RNF38: variants seen among roughly 807,000 people sequenced by gnomAD.
The protein encoded by RNF38 is E3 ubiquitin-protein ligase RNF38.
RNF38 carries 15 observed loss-of-function variants against 67.2 expected under a neutral mutation model. The ratio of observed to expected loss-of-function variants is 0.22; its 90% CI spans 0.15 to 0.34. The LOEUF (loss-of-function observed/expected upper bound fraction) is 0.34. RNF38 is among the 10% of genes least tolerant of loss of function. The pLI, the probability that RNF38 is intolerant of heterozygous loss-of-function variation, is 1.00. For synonymous variants in RNF38, 220 were observed against 218.8 expected, an observed-to-expected ratio of 1.01 and a Z score of -0.05; for missense variants, 524 against 639.9, an observed-to-expected ratio of 0.82 and a Z score of 1.95.
Position 36,353,343 on chromosome 9 carries a change from GA to G in RNF38, c.910-13del, listed in dbSNP as rs200495754. 4.1e-3 allele frequency: 6,033 copies of G among 1,483,204 alleles called. 29 individuals are homozygous for G. The highest frequency in any genetic ancestry group is 0.024 in the African/African-American group (1,667 of 68,500). The allele number at this position is 1,483,204 out of a possible 1,614,324, so 91.9% of individuals were successfully genotyped here. On this transcript the variant is annotated splice_polypyrimidine_tract_variant and intron_variant, in intron 6 of 11. Transcript: ENST00000259605. ...ATCCTTTGCAGAGGCTGAGGAGGGG[GA>G]AAAAAAAACACATATATGTATATAT...
chr9:36,342,210 G>A (rs932057679), intron 11 of RNF38, 115 bp downstream of exon 11: 43 of 731,710 alleles, frequency 5.9e-5, no homozygotes, highest in Non-Finnish European at 9.6e-5. Context: ...CATACTGAAA[G>A]CTGTGTTTCC....
At chr9:36,437,626 G>A (rs1341090577) in intron 1 of RNF38, among the ~76,000 whole-genome samples, 1 of 151,760 alleles carries the variant, frequency 6.6e-6, no homozygotes, top group Non-Finnish European at 1.5e-5. Flanking sequence ...CTAGGTGCTG[G>A]CAAGGAGGAC....
intron 1 of RNF38, among the ~76,000 whole-genome samples, chr9:36,425,006 C>G (rs766405775): frequency 6.6e-6 from 1 of 152,168 alleles, no homozygotes; most frequent in African/African-American, 2.4e-5. Flanking sequence ...TTCAATAAGG[C>G]AAACTCTTAT....
intron 2 of RNF38, among the ~76,000 whole-genome samples, chr9:36,382,018 T>C (rs1836247779): frequency 6.6e-6 from 1 of 152,270 alleles, no homozygotes; most frequent in Admixed American, 6.5e-5. Flanking sequence ...TCAGAAAGTC[T>C]GGACCAGAGG....
Position 36,338,050 on chromosome 9 carries a change from G to C in RNF38, c.*1702C>G, listed in dbSNP as rs1364205247. On this transcript the variant is annotated 3_prime_UTR_variant, in exon 12 of 12. Coordinates refer to ENST00000259605, the MANE Select transcript of RNF38 (RefSeq NM_022781.5). ...ATGGAAAACTGACACAGAGCCAACT[G>C]AAAGTTGAGTGGGGCTGGCAGCAAG... is the stretch of plus-strand genomic sequence containing the variant. 1 of 152,674 alleles carries C rather than the reference G, an allele frequency of 6.5e-6. No individual in the cohort carries two copies. The highest frequency in any genetic ancestry group is 2.4e-5 in the African/African-American group (1 of 41,462). The allele number at this position is 152,674 out of a possible 1,614,324, so 9.5% of individuals were successfully genotyped here.
chr9:36,450,272 T>TA (rs1212715745), intron 1 of RNF38, among the ~76,000 whole-genome samples: 1 of 151,942 alleles, frequency 6.6e-6, no homozygotes, highest in East Asian at 1.9e-4. Context: ...ACTTTTTTTT[T>TA]ATATAATTAT....
intron 1 of RNF38, among the ~76,000 whole-genome samples, chr9:36,445,720 C>T (rs777986725): frequency 6.6e-6 from 1 of 152,172 alleles, no homozygotes; most frequent in Non-Finnish European, 1.5e-5. Flanking sequence ...AAAAGCCAGC[C>T]GACAACTCCT....
chr9:36,341,983 T>A (rs1290526555), intron 11 of RNF38, among the ~76,000 whole-genome samples: 3 of 152,002 alleles, frequency 2.0e-5, no homozygotes, highest in Admixed American at 1.3e-4. Flanking sequence ...AAACACTAGA[T>A]GTATTTTTCT....
intron 1 of RNF38, among the ~76,000 whole-genome samples, chr9:36,484,204 T>C (rs1313169591): frequency 2.0e-5 from 3 of 152,230 alleles, no homozygotes; most frequent in African/African-American, 7.2e-5. Flanking sequence ...AGCACATCTA[T>C]TTCAACAAAG....
Position 36,351,211 on chromosome 9 carries a change from A to G in RNF38, c.1179-12T>C. The G allele has an allele frequency of 6.3e-7, 1 of 1,589,426 alleles. No homozygotes were observed. Among genetic ancestry groups the G allele is most frequent in the Non-Finnish European group, 8.6e-7 (1 of 1,159,346 alleles). ...CTGGAAGCATTGATCTGCAGTGAAA[A>G]CAATCACACTAGCATTGATATGTTA... is the stretch of plus-strand genomic sequence containing the variant. On this transcript the variant is annotated splice_polypyrimidine_tract_variant and intron_variant, in intron 8 of 11. Transcript: ENST00000259605.
chr9:36,373,589 C>CTTTTTT (rs71494622), intron 3 of RNF38, among the ~76,000 whole-genome samples: 1 of 131,760 alleles, frequency 7.6e-6, no homozygotes, highest in African/African-American at 2.9e-5. Context: ...TTTGTTAGCC[C>CTTTTTT]TTTTTTTTTT....
chr9:36,381,214 CTT>C (rs1836187100), intron 2 of RNF38, among the ~76,000 whole-genome samples: 1 of 152,220 alleles, frequency 6.6e-6, no homozygotes, highest in African/African-American at 2.4e-5. Context: ...TACAAGGTCT[CTT>C]TACATGAGTA....
chr9:36,354,423 G>A (rs779993976), intron 6 of RNF38, among the ~76,000 whole-genome samples: 2 of 152,096 alleles, frequency 1.3e-5, no homozygotes, highest in Non-Finnish European at 2.9e-5. Flanking sequence ...GGATGGTCTC[G>A]ATCTCCTGAC....
intron 8 of RNF38, among the ~76,000 whole-genome samples, chr9:36,352,075 G>A (rs553936442): frequency 2.0e-5 from 3 of 152,090 alleles, no homozygotes; most frequent in African/African-American, 7.2e-5. Context: ...TAAGATGGGC[G>A]GATCACCTGA....
At chr9:36,400,783 T>C (rs1442599125), upstream of RNF38, 2 of 985,488 alleles carry the variant, frequency 2.0e-6, no homozygotes, top group African/African-American at 1.7e-5. Flanking sequence ...CGCCCAGAGA[T>C]GACAGAGTCG....
intron 2 of RNF38, among the ~76,000 whole-genome samples, chr9:36,385,294 C>T (rs1836523029): frequency 6.6e-6 from 1 of 151,916 alleles, no homozygotes; most frequent in Non-Finnish European, 1.5e-5. Context: ...AGAAGTAGCT[C>T]CAAAGCACTT....
intron 4 of RNF38, among the ~76,000 whole-genome samples, chr9:36,359,539 T>C (rs1243107188): frequency 6.6e-6 from 1 of 152,140 alleles, no homozygotes; most frequent in Non-Finnish European, 1.5e-5. Context: ...CTGGATTTCA[T>C]GCTGCTTTAA....
At chr9:36,450,602 T>C (rs1400832973) in intron 1 of RNF38, among the ~76,000 whole-genome samples, 1 of 152,186 alleles carries the variant, frequency 6.6e-6, no homozygotes, top group Admixed American at 6.5e-5. Context: ...TAATCATCAC[T>C]ATACCTATTC....
At chr9:36,432,307 G>C (rs1255134799) in intron 1 of RNF38, among the ~76,000 whole-genome samples, 1 of 151,900 alleles carries the variant, frequency 6.6e-6, no homozygotes, top group Non-Finnish European at 1.5e-5. Context: ...GCTAATTTTT[G>C]TATTTTTAGT....
Sources: gnomAD v4.1 joint callset for allele counts (sites outside exome capture counted in the v4.1 genomes callset) on GRCh38, gnomAD v4.1.1 for gene constraint, MANE v1.5 for transcripts, NCBI Gene and HGNC (gene_info 2026-07-23, HGNC 2026-07-21) for gene names.